Variants in MEGF9 observed in about 807,000 individuals in gnomAD.
MEGF9 encodes multiple EGF like domains 9, also known as multiple epidermal growth factor-like domains protein 9.
A neutral mutation model predicts 46.8 loss-of-function variants in MEGF9; 6 were observed. The ratio of observed to expected loss-of-function variants is 0.13; its 90% CI spans 0.07 to 0.25. The LOEUF is 0.25. MEGF9 is among the 10% of genes least tolerant of loss of function. MEGF9 has a pLI of 1.00. For synonymous variants in MEGF9, 302 were observed against 330.7 expected, an observed-to-expected ratio of 0.91 and a Z score of 0.94; for missense variants, 683 against 792.4, an observed-to-expected ratio of 0.86 and a Z score of 1.66.
intron 1 of MEGF9, among the ~76,000 whole-genome samples, chr9:120,662,438 A>T (rs1427975961): frequency 6.6e-6 from 1 of 152,226 alleles, no homozygotes; most frequent in Non-Finnish European, 1.5e-5. Flanking sequence ...TCTACTACCT[A>T]AACCTCTCAA....
At chr9:120,631,289 T>C (rs2043549664) in intron 2 of MEGF9, among the ~76,000 whole-genome samples, 1 of 152,236 alleles carries the variant, frequency 6.6e-6, no homozygotes, top group African/African-American at 2.4e-5. Context: ...TGGCTGTAAG[T>C]ATGTGGATTC....
At position 120,607,879 on chromosome 9, in the gene MEGF9, C is replaced by T; in HGVS notation, c.1219G>A (p.Asp407Asn). Residue 407 changes from aspartate to asparagine, a missense_variant, in exon 5 of 6, where the codon GAC (aspartate) becomes AAC (asparagine). By Grantham distance (23) the Asp-to-Asn change is conservative (BLOSUM62 1). Coordinates refer to ENST00000373930, the MANE Select transcript of MEGF9 (RefSeq NM_001080497.3). The part of the protein sequence containing the change: ...CRKCQCHGHV[D>N]PVKTPKICKP... ...CAAATCTTTGGAGTTTTAACTGGGT[C>T]CACATGGCCGTGACATTGGCACTTT... The T allele has an allele frequency of 6.2e-7, 1 of 1,613,988 alleles. No homozygotes were observed. The highest frequency in any genetic ancestry group is 8.5e-7 in the Non-Finnish European group (1 of 1,179,882).
At chr9:120,703,916 T>C (rs1370058771) in intron 1 of MEGF9, among the ~76,000 whole-genome samples, 1 of 150,924 alleles carries the variant, frequency 6.6e-6, no homozygotes, top group African/African-American at 2.4e-5. Context: ...GAGGTTGCAG[T>C]GAGCCAAGAT....
At position 120,653,759 on chromosome 9, in the gene MEGF9, G is replaced by A. The variant is rs911510379; in HGVS notation, c.803+5615C>T. Among the ~76,000 whole-genome samples the A allele has an allele frequency of 3.3e-5, 5 of 152,184 alleles. No individual in the cohort carries two copies. In the East Asian group the frequency reaches 9.6e-4, roughly 29 times the overall value. On this transcript the variant is annotated intron_variant, in intron 2 of 5. Transcript: ENST00000373930. Reference sequence around the variant, plus strand: ...TAAATTTATCTCAGAAGTTTAATATGCCAAAGACAAACAAGAAATACAGCA... The same window carrying A: ...TAAATTTATCTCAGAAGTTTAATATACCAAAGACAAACAAGAAATACAGCA...
chr9:120,606,683 A>G (rs768822641), intron 5 of MEGF9, among the ~76,000 whole-genome samples: 1 of 152,200 alleles, frequency 6.6e-6, no homozygotes, highest in Non-Finnish European at 1.5e-5. Flanking sequence ...TAAAATGTGA[A>G]TAATAACATC....
At chr9:120,696,104 T>C (rs557829028) in intron 1 of MEGF9, among the ~76,000 whole-genome samples, 1 of 152,350 alleles carries the variant, frequency 6.6e-6, no homozygotes, top group African/African-American at 2.4e-5. Context: ...GTCAGTGGCA[T>C]ATATTCAATG....
intron 4 of MEGF9, among the ~76,000 whole-genome samples, chr9:120,611,865 AAGAG>A (rs3983894): frequency 1.4e-4 from 19 of 137,220 alleles, no homozygotes; most frequent in African/African-American, 2.4e-4. Context: ...GGAAGGAAGA[AAGAG>A]AGAGAGAGAG....
At chr9:120,634,201 C>T (rs1462576488) in intron 2 of MEGF9, among the ~76,000 whole-genome samples, 1 of 152,088 alleles carries the variant, frequency 6.6e-6, no homozygotes, top group Non-Finnish European at 1.5e-5. Flanking sequence ...GTGTTGAAAT[C>T]TGCAACTATT....
intron 2 of MEGF9, among the ~76,000 whole-genome samples, chr9:120,636,270 T>C (rs1389467148): frequency 6.6e-6 from 1 of 152,146 alleles, no homozygotes; most frequent in African/African-American, 2.4e-5. Context: ...GTGGCTTCCA[T>C]AGATAAGGAC....
chr9:120,632,878 T>C (rs148083781), intron 2 of MEGF9, among the ~76,000 whole-genome samples: 57 of 152,344 alleles, frequency 3.7e-4, no homozygotes, highest in African/African-American at 1.1e-3. Context: ...ATTCTGTTGA[T>C]TGATGTATCA....
intron 2 of MEGF9, among the ~76,000 whole-genome samples, chr9:120,652,009 A>G (rs1003086354): frequency 6.6e-6 from 1 of 151,472 alleles, no homozygotes; most frequent in Non-Finnish European, 1.5e-5. Context: ...TCTGTTTATA[A>G]TGAACAACTT....
intron 1 of MEGF9, among the ~76,000 whole-genome samples, chr9:120,678,350 T>C (rs2043782850): frequency 6.6e-6 from 1 of 152,252 alleles, no homozygotes; most frequent in Non-Finnish European, 1.5e-5. Context: ...TTTAGTTTAC[T>C]GAGGAACCTC....
chr9:120,652,167 C>T (rs1399476078), intron 2 of MEGF9, among the ~76,000 whole-genome samples: 2 of 42,118 alleles, frequency 4.7e-5, no homozygotes, highest in Admixed American at 2.1e-4. Context: ...CACACACACA[C>T]ACACACACAC....
At chr9:120,651,435 T>C (rs945963246) in intron 2 of MEGF9, among the ~76,000 whole-genome samples, 3 of 152,212 alleles carry the variant, frequency 2.0e-5, no homozygotes, top group Non-Finnish European at 4.4e-5. Flanking sequence ...ACTCTTTTAC[T>C]TACTGGCAGT....
chr9:120,673,969 CA>C (rs35650740), intron 1 of MEGF9, among the ~76,000 whole-genome samples: 4,848 of 101,912 alleles, frequency 0.048, 161 homozygotes, highest in African/African-American at 0.18. Flanking sequence ...GACTCCGTCT[CA>C]AAAAAAAAAA....
At chr9:120,693,504 G>A (rs79662464) in intron 1 of MEGF9, among the ~76,000 whole-genome samples, 6,234 of 152,230 alleles carry the variant, frequency 0.041, 422 homozygotes, top group African/African-American at 0.14. Flanking sequence ...AAAGAGAAAT[G>A]CTTACATTCT....
intron 1 of MEGF9, among the ~76,000 whole-genome samples, chr9:120,667,080 C>CA (rs1030596010): frequency 6.6e-6 from 1 of 152,098 alleles, no homozygotes; most frequent in African/African-American, 2.4e-5. Flanking sequence ...TTAAAATATG[C>CA]AAAAAAATTT....
intron 1 of MEGF9, among the ~76,000 whole-genome samples, chr9:120,674,603 T>C (rs935772033): frequency 6.6e-6 from 1 of 152,036 alleles, no homozygotes; most frequent in Non-Finnish European, 1.5e-5. Flanking sequence ...GGATCTCACT[T>C]TGTCACCTAG....
At chr9:120,613,929 T>C (rs1016548022) in intron 3 of MEGF9, among the ~76,000 whole-genome samples, 2 of 151,944 alleles carry the variant, frequency 1.3e-5, no homozygotes, top group Non-Finnish European at 2.9e-5. Context: ...AGAATAAGGC[T>C]GTGAAATAAA....
Sources: allele counts gnomAD v4.1 joint callset (sites outside exome capture counted in the v4.1 genomes callset), GRCh38; gene constraint gnomAD v4.1.1; transcripts MANE v1.5; gene names NCBI Gene and HGNC (gene_info 2026-07-23, HGNC 2026-07-21).